The following MTARC1 variants were observed in gnomAD, a reference collection of about 807,000 sequenced individuals.
MTARC1 encodes the protein mitochondrial amidoxime-reducing component 1.
MTARC1 carries 24 observed loss-of-function variants against 33.6 expected under a neutral mutation model. That is an observed-to-expected ratio of 0.72 (90% confidence interval 0.52 to 1.01). The LOEUF is 1.01. Among genes scored for constraint, MTARC1 ranks in the 50% least tolerant of loss-of-function variants. The pLI is 0.00. For synonymous variants in MTARC1, 187 were observed against 189.5 expected (o/e 0.99, Z 0.11); for missense variants, 417 against 445.7 (o/e 0.94, Z 0.58).
At chr1:220,800,832 C>T (rs12046182) in intron 4 of MTARC1, among the ~76,000 whole-genome samples, 36,278 of 151,864 alleles carry the variant, frequency 0.24, 4,585 homozygotes, top group East Asian at 0.43. Flanking sequence ...CGAACCACCC[C>T]TTGTTCTTCT....
intron 2 of MTARC1, 126 bp from the exon 3 acceptor site, chr1:220,796,517 C>G: frequency 8.5e-7 from 1 of 1,182,070 alleles, no homozygotes; most frequent in Non-Finnish European, 1.1e-6. Context: ...AAAATTACAT[C>G]TTCTGATAAT....
At chr1:220,805,328 C>A in intron 6 of MTARC1, 54 bp downstream of exon 6, 2 of 1,588,890 alleles carry the variant, frequency 1.3e-6, no homozygotes, top group South Asian at 1.1e-5. Context: ...GGAACGGAAG[C>A]AATATTTGTT....
chr1:220,807,134 C>T (rs1402922196), intron 6 of MTARC1, among the ~76,000 whole-genome samples: 5 of 151,456 alleles, frequency 3.3e-5, no homozygotes, highest in Non-Finnish European at 7.4e-5. Context: ...ATGTAACTTT[C>T]ACCTCAAAAA....
chr1:220,791,516 G>C lies in MTARC1; in HGVS notation c.301G>C (p.Gly101Arg), dbSNP rs1402315825. The change falls in exon 2 of 7, where the codon GGA becomes CGA. Residue 101 changes from glycine to arginine, a missense_variant. Physicochemically the swap from Gly to Arg is moderately radical, Grantham distance 125. Coordinates refer to ENST00000366910, the MANE Select transcript of MTARC1 (RefSeq NM_022746.4). The part of the protein sequence containing the change: ...DRFWLVINQE[G>R]NMVTARQEPR... Reference sequence around the variant, plus strand: ...GTTTTGGCTTGTGATCAACCAGGAGGGAAACATGGTTACTGCTCGCCAGGA... The same window carrying C: ...GTTTTGGCTTGTGATCAACCAGGAGCGAAACATGGTTACTGCTCGCCAGGA... 6.2e-7 allele frequency: 1 copy of C among 1,613,970 alleles called. No individual in the cohort carries two copies. Among genetic ancestry groups the C allele is most frequent in the Non-Finnish European group, 8.5e-7 (1 of 1,180,016 alleles).
chr1:220,794,325 C>T (rs1044246712), intron 2 of MTARC1: 1 of 151,550 alleles, frequency 6.6e-6, no homozygotes, highest in African/African-American at 2.4e-5. Context: ...AGGAGATGAC[C>T]TTCAAGGCTG....
At chr1:220,797,836 T>A in intron 3 of MTARC1, 38 bp from the exon 4 acceptor site, 2 of 1,602,464 alleles carry the variant, frequency 1.2e-6, no homozygotes, top group Non-Finnish European at 1.7e-6. Flanking sequence ...GAAAAGTTGG[T>A]GTGCCATGTG....
rs1197328311 is a variant in MTARC1 at position 220,816,039 on chromosome 1, AGGGGAG to A, written c.*2623_*2628del. On this transcript the variant is annotated 3_prime_UTR_variant, in exon 7 of 7. Transcript: ENST00000366910. ...CACGAAGGCAGAAAGAAATTGGGGA[AGGGGAG>A]GCTGTTGGAATTCAGGCCGTTGTCC... The A allele has an allele frequency of 2.0e-5, 3 of 152,276 alleles. No homozygotes were observed. Among genetic ancestry groups the A allele is most frequent in the African/African-American group, 7.2e-5 (3 of 41,462 alleles). The allele number at this position is 152,276 out of a possible 1,614,324, so 9.4% of individuals were successfully genotyped here. A position where few individuals can be genotyped will look rare whatever the true frequency, so the allele number is the denominator to read the frequency against.
rs990172825 is a variant in MTARC1 at position 220,787,306 on chromosome 1, G to A, written c.275+87G>A. On this transcript the variant is annotated intron_variant, in intron 1 of 6. Transcript: ENST00000366910. Reference sequence around the variant, plus strand: ...GAGGAGCGCAGGGGAGGTCTGCAGAGTCTGCTAACAGGTCCTTCCTCCTAT... The same window carrying A: ...GAGGAGCGCAGGGGAGGTCTGCAGAATCTGCTAACAGGTCCTTCCTCCTAT... The A allele has an allele frequency of 3.6e-6, 5 of 1,402,316 alleles. No homozygotes were observed. In the African/African-American group the frequency reaches 6.0e-5, roughly 17 times the overall value. 86.9% of individuals were successfully genotyped at this position (1,402,316 alleles called of 1,614,324 possible). A position where few individuals can be genotyped will look rare whatever the true frequency, so the allele number is the denominator to read the frequency against.
chr1:220,800,689 C>G (rs1204824452), intron 4 of MTARC1, among the ~76,000 whole-genome samples: 1 of 152,112 alleles, frequency 6.6e-6, no homozygotes, highest in African/African-American at 2.4e-5. Context: ...CTCCATATCT[C>G]CATGTGGATG....
intron 6 of MTARC1, 43 bp downstream of exon 6, chr1:220,805,317 G>A (rs72472335): frequency 0.018 from 29,182 of 1,601,868 alleles, 587 homozygotes; most frequent in African/African-American, 0.07. Flanking sequence ...TTTAGGTGCC[G>A]GGAACGGAAG....
intron 6 of MTARC1, 65 bp from the exon 7 acceptor site, chr1:220,813,227 C>G: frequency 1.9e-6 from 3 of 1,609,938 alleles, no homozygotes; most frequent in South Asian, 2.2e-5. Context: ...GGGATGGAAG[C>G]CACGTGCTGG....
At chr1:220,787,865 G>A (rs1672286451) in intron 1 of MTARC1, among the ~76,000 whole-genome samples, 1 of 152,020 alleles carries the variant, frequency 6.6e-6, no homozygotes, top group Non-Finnish European at 1.5e-5. Flanking sequence ...AAAATTAGCC[G>A]GGCGTAGTGG....
At chr1:220,796,536 G>T (rs183447263) in intron 2 of MTARC1, 107 bp from the exon 3 acceptor site, 37 of 1,276,064 alleles carry the variant, frequency 2.9e-5, no homozygotes, top group Non-Finnish European at 7.4e-6. Flanking sequence ...ATTAAGAAAT[G>T]ACAGTAATGT....
chr1:220,798,871 T>A, intron 4 of MTARC1: 1 of 985,428 alleles, frequency 1.0e-6, no homozygotes. Context: ...TAACCTTTTA[T>A]CCTCAGAGGA....
chr1:220,797,423 C>G (rs1185435420), intron 3 of MTARC1, among the ~76,000 whole-genome samples: 1 of 152,058 alleles, frequency 6.6e-6, no homozygotes, highest in East Asian at 1.9e-4. Context: ...GTCTCTGTCT[C>G]AAAATATATA....
Position 220,815,129 on chromosome 1 carries a change from A to T in MTARC1, c.*1711A>T, listed in dbSNP as rs1673254727. 1 of 152,270 alleles carries T rather than the reference A, an allele frequency of 6.6e-6. No homozygotes were observed. Among genetic ancestry groups the T allele is most frequent in the Admixed American group, 6.5e-5 (1 of 15,294 alleles). 9.4% of individuals were successfully genotyped at this position (152,270 alleles called of 1,614,324 possible). On this transcript the variant is annotated 3_prime_UTR_variant, in exon 7 of 7. Coordinates refer to ENST00000366910, the MANE Select transcript of MTARC1 (RefSeq NM_022746.4). The stretch of plus-strand genomic sequence containing the variant: ...TCACCTTCCCCAACAAGTCCAGTTG[A>T]TGTTGAAACTACAGATAGATTGAGA...
intron 6 of MTARC1, among the ~76,000 whole-genome samples, chr1:220,807,923 T>G (rs1010173029): frequency 6.6e-6 from 1 of 152,082 alleles, no homozygotes; most frequent in African/African-American, 2.4e-5. Context: ...GACCTGGATG[T>G]GCAGCACACC....
intron 6 of MTARC1, among the ~76,000 whole-genome samples, chr1:220,805,669 A>G (rs1380993546): frequency 6.6e-6 from 1 of 152,238 alleles, no homozygotes; most frequent in Non-Finnish European, 1.5e-5. Context: ...TGTAGGAGTG[A>G]AGTGATGTGA....
At chr1:220,810,136 G>T (rs1370726841) in intron 6 of MTARC1, among the ~76,000 whole-genome samples, 2 of 152,200 alleles carry the variant, frequency 1.3e-5, no homozygotes, top group African/African-American at 4.8e-5. Flanking sequence ...AGGAGAAAGT[G>T]CACTAAGGAA....
Sources: allele counts gnomAD v4.1 joint callset (sites outside exome capture counted in the v4.1 genomes callset), GRCh38; gene constraint gnomAD v4.1.1; transcripts MANE v1.5; gene names NCBI Gene and HGNC (gene_info 2026-07-23, HGNC 2026-07-21).